The following COPS2 variants were observed in gnomAD, a reference collection of about 807,000 sequenced individuals.
The protein encoded by COPS2 is COP9 signalosome complex subunit 2.
A neutral mutation model predicts 66.1 loss-of-function variants in COPS2; 10 were observed. That is an observed-to-expected ratio of 0.15 (90% CI 0.09 to 0.26). The LOEUF is 0.26. COPS2 is among the 10% of genes least tolerant of loss of function. The pLI is 1.00. For missense variants in COPS2, 215 were observed against 513.3 expected, an observed-to-expected ratio of 0.42 and a Z score of 5.62; for synonymous variants, 179 against 171.3, an observed-to-expected ratio of 1.04 and a Z score of -0.35.
In COPS2 at chr15:49,128,111, A is replaced by G; in HGVS notation, c.1188-17T>C. 1 of 1,611,246 alleles carries G rather than the reference A, an allele frequency of 6.2e-7. No individual in the cohort carries two copies. Among genetic ancestry groups the G allele is most frequent in the Non-Finnish European group, 8.5e-7 (1 of 1,178,390 alleles). The stretch of plus-strand genomic sequence containing the variant: ...TGAATAGTGCTAGAAAGAAATAAAT[A>G]AGATGTGTCTACAAAAGACTTTCAT... On this transcript the variant is annotated splice_polypyrimidine_tract_variant and intron_variant, in intron 12 of 12. Coordinates refer to ENST00000388901, the MANE Select transcript of COPS2 (RefSeq NM_004236.4).
intron 3 of COPS2, among the ~76,000 whole-genome samples, chr15:49,141,747 C>A (rs1234385486): frequency 2.0e-5 from 3 of 152,006 alleles, no homozygotes; most frequent in Non-Finnish European, 2.9e-5. Context: ...CTCTTGTGAA[C>A]CATAACTTAT....
At chr15:49,146,617 T>C (rs1297033616) in intron 1 of COPS2, among the ~76,000 whole-genome samples, 2 of 152,074 alleles carry the variant, frequency 1.3e-5, no homozygotes, top group South Asian at 4.1e-4. Flanking sequence ...AAAATCCTTA[T>C]TGACTCTACC....
chr15:49,134,479 T>C lies in COPS2; in HGVS notation c.576A>G (p.Thr192=). 1 of 1,611,830 alleles carries C rather than the reference T, an allele frequency of 6.2e-7. No homozygotes were observed. Among genetic ancestry groups the C allele is most frequent in the Non-Finnish European group, 8.5e-7 (1 of 1,179,568 alleles). Reference sequence around the variant, plus strand: ...CCAAAGCATATATTTCTAATAACTGTGTACCTTTTTTCAGATCATCTTCTC... The same window carrying C: ...CCAAAGCATATATTTCTAATAACTGCGTACCTTTTTTCAGATCATCTTCTC... ...DDGEDDLKKG[T]QLLEIYALEI... is the part of the protein sequence containing the mutation. The change falls in exon 7 of 13, where the codon ACA becomes ACG. Residue 192 remains threonine (T), a synonymous_variant. Transcript: ENST00000388901.
At chr15:49,149,516 G>A in intron 1 of COPS2, among the ~76,000 whole-genome samples, 1 of 152,138 alleles carries the variant, frequency 6.6e-6, no homozygotes, top group Non-Finnish European at 1.5e-5. Flanking sequence ...CTCAGAAGCA[G>A]GAACTTTCTT....
intron 6 of COPS2, 68 bp from the exon 7 acceptor site, chr15:49,134,582 T>A: frequency 1.6e-6 from 2 of 1,242,458 alleles, no homozygotes; most frequent in Non-Finnish European, 2.2e-6. Context: ...TGCATTAGCC[T>A]GGAAATCTTA....
rs1185245681 is a variant in COPS2, at chr15:49,123,134, T to G, written c.*4816A>C. 2 of 151,694 alleles carry G rather than the reference T, an allele frequency of 1.3e-5. No homozygotes were observed. The highest frequency in any genetic ancestry group is 3.0e-5 in the Non-Finnish European group (2 of 67,614). 9.4% of individuals were successfully genotyped at this position (151,694 alleles called of 1,614,324 possible). A position where few individuals can be genotyped will look rare whatever the true frequency, so the allele number is the denominator to read the frequency against. ...AAAAATTTATTACTGTCGTAAACAG[T>G]AAGGGATAGGCAAACATTTGAACAG... is the stretch of plus-strand genomic sequence containing the variant. On this transcript the variant is annotated 3_prime_UTR_variant, in exon 13 of 13. Transcript: ENST00000388901.
rs1423188810 is a variant in COPS2, at chr15:49,124,027, A to C, written c.*3923T>G. 6.6e-6 allele frequency: 1 copy of C among 152,228 alleles called. No individual in the cohort carries two copies. The highest frequency in any genetic ancestry group is 2.4e-5 in the African/African-American group (1 of 41,456). 9.4% of individuals were successfully genotyped at this position (152,228 alleles called of 1,614,324 possible). Reference sequence around the variant, plus strand: ...CTATAAATTTAATAATCTCGAGTTAAAGAGAACCTCCAATTTGTCTTCGTT... The same window carrying C: ...CTATAAATTTAATAATCTCGAGTTACAGAGAACCTCCAATTTGTCTTCGTT... On this transcript the variant is annotated 3_prime_UTR_variant, in exon 13 of 13. Transcript: ENST00000388901.
At chr15:49,145,171 C>A in intron 1 of COPS2, 93 bp from the exon 2 acceptor site, 1 of 618,866 alleles carries the variant, frequency 1.6e-6, no homozygotes, top group Non-Finnish European at 2.7e-6. Context: ...ACAGAAAAAC[C>A]ACATATTTTT....
In COPS2 at chr15:49,137,216, T is replaced by C; in HGVS notation, c.474A>G (p.Leu158=). Residue 158 remains leucine (L), a synonymous_variant, in exon 6 of 13, where the codon TTA becomes TTG. Coordinates refer to ENST00000388901, the MANE Select transcript of COPS2 (RefSeq NM_004236.4). ...WFKTNTKLGK[L]YLEREEYGKL... The stretch of plus-strand genomic sequence containing the variant: ...TTCCATATTCCTCTCGTTCTAAATA[T>C]AATTTTCCAAGCTGCAAGAAAGCAA... The C allele has an allele frequency of 6.2e-7, 1 of 1,604,748 alleles. No individual in the cohort carries two copies. Among genetic ancestry groups the C allele is most frequent in the Non-Finnish European group, 8.5e-7 (1 of 1,176,428 alleles).
intron 2 of COPS2, among the ~76,000 whole-genome samples, 173 bp downstream of exon 2, chr15:49,144,791 GA>G (rs1238109684): frequency 2.6e-5 from 4 of 152,108 alleles, no homozygotes; most frequent in Non-Finnish European, 5.9e-5. Context: ...AGCTTGATTG[GA>G]AAAAACATCA....
chr15:49,153,423 AGT>A (rs2084376062), intron 1 of COPS2, among the ~76,000 whole-genome samples: 1 of 152,228 alleles, frequency 6.6e-6, no homozygotes. Context: ...CTGGCAAGAA[AGT>A]GGAGAAAACA....
intron 11 of COPS2, 74 bp downstream of exon 11, chr15:49,129,403 T>C (rs1033423099): frequency 1.7e-5 from 9 of 532,206 alleles, no homozygotes; most frequent in Non-Finnish European, 2.2e-5. Flanking sequence ...AGAGTGACTC[T>C]TAAATGCAAG....
intron 1 of COPS2, 36 bp downstream of exon 1, chr15:49,155,489 A>G: frequency 2.5e-6 from 4 of 1,610,250 alleles, no homozygotes; most frequent in Non-Finnish European, 3.4e-6. Flanking sequence ...AACAAGACAC[A>G]TCACCACCCT....
At chr15:49,153,653 T>C (rs902635715) in intron 1 of COPS2, among the ~76,000 whole-genome samples, 12 of 152,206 alleles carry the variant, frequency 7.9e-5, no homozygotes, top group Non-Finnish European at 1.8e-4. Context: ...TGTCCATCAA[T>C]GGATAAACGG....
intron 1 of COPS2, among the ~76,000 whole-genome samples, chr15:49,147,083 G>C (rs945439650): frequency 6.6e-6 from 1 of 152,086 alleles, no homozygotes; most frequent in African/African-American, 2.4e-5. Flanking sequence ...TTGGAGTAAA[G>C]AATCACAGCT....
Position 49,124,671 on chromosome 15 carries a change from T to A in COPS2, c.*3279A>T, listed in dbSNP as rs887325298. 1.3e-5 allele frequency: 2 copies of A among 152,216 alleles called. No homozygotes were observed. The highest frequency in any genetic ancestry group is 2.1e-4 in the South Asian group (1 of 4,838). 9.4% of individuals were successfully genotyped at this position (152,216 alleles called of 1,614,324 possible). ...TATATACTTCAGTTCAAAATGTTTATCTTCTTCAAAATGCTAGAAATATTT... is the reference window on the plus strand; with the variant it reads ...TATATACTTCAGTTCAAAATGTTTAACTTCTTCAAAATGCTAGAAATATTT... On this transcript the variant is annotated 3_prime_UTR_variant, in exon 13 of 13. Coordinates refer to ENST00000388901, the MANE Select transcript of COPS2 (RefSeq NM_004236.4).
chr15:49,154,082 T>G (rs1323957519), intron 1 of COPS2, among the ~76,000 whole-genome samples: 2 of 152,118 alleles, frequency 1.3e-5, no homozygotes, highest in African/African-American at 4.8e-5. Flanking sequence ...AGGTGATGGA[T>G]ATCCTAAATA....
intron 9 of COPS2, among the ~76,000 whole-genome samples, chr15:49,132,392 A>C (rs1313833272): frequency 6.6e-6 from 1 of 151,902 alleles, no homozygotes; most frequent in African/African-American, 2.4e-5. Flanking sequence ...TTCTTTAAAA[A>C]AAGTTAAATG....
intron 9 of COPS2, among the ~76,000 whole-genome samples, chr15:49,131,711 T>G (rs1002800649): frequency 3.9e-5 from 6 of 152,072 alleles, no homozygotes; most frequent in African/African-American, 1.4e-4. Flanking sequence ...CTACCCCAAA[T>G]ACACTGCTGT....
Sources: gnomAD v4.1 joint callset for allele counts (sites outside exome capture counted in the v4.1 genomes callset) on GRCh38, gnomAD v4.1.1 for gene constraint, MANE v1.5 for transcripts, NCBI Gene and HGNC (gene_info 2026-07-23, HGNC 2026-07-21) for gene names.